Variants in MMP26 observed in about 807,000 individuals in gnomAD.
The protein encoded by MMP26 is matrix metallopeptidase 26.
Under a neutral mutation model 31.0 loss-of-function variants are expected in MMP26, and 33 were observed. The ratio of observed to expected loss-of-function variants is 1.06; its 90% CI spans 0.81 to 1.42. The LOEUF is 1.42. Ranked by LOEUF, MMP26 falls within the 40% of genes most tolerant of loss-of-function variation. The pLI is 0.00. For missense variants in MMP26, 347 were observed against 316.1 expected, an observed-to-expected ratio of 1.10 and a Z score of -0.74; for synonymous variants, 122 against 114.9, an observed-to-expected ratio of 1.06 and a Z score of -0.40.
At chr11:4,846,868 A>G (rs1849876780) in intron 2 of MMP26, among the ~76,000 whole-genome samples, 3 of 152,224 alleles carry the variant, frequency 2.0e-5, no homozygotes, top group Admixed American at 2.0e-4. Flanking sequence ...TATACCAACT[A>G]CAAAATATCA....
rs1269708446 is a variant in MMP26, at chr11:4,946,278, C to T, written c.-144-41790C>T. ...AGTAGGAGAACATTTGCCATGAGAA[C>T]ATTAATGAGGGGAGAGACATGCCGG... On this transcript the variant is annotated intron_variant, in intron 2 of 7. Coordinates refer to ENST00000380390, the MANE Select transcript of MMP26 (RefSeq NM_021801.5). The T allele has an allele frequency of 5.6e-6, 9 of 1,613,830 alleles. No individual in the cohort carries two copies. The highest frequency in any genetic ancestry group is 1.7e-5 in the Admixed American group (1 of 59,996).
At chr11:4,840,260 G>C (rs1159227287) in intron 2 of MMP26, among the ~76,000 whole-genome samples, 1 of 152,214 alleles carries the variant, frequency 6.6e-6, no homozygotes, top group African/African-American at 2.4e-5. Context: ...TCACCTTCCT[G>C]AAGGAAAGGA....
intron 2 of MMP26, chr11:4,882,136 C>G: frequency 6.2e-7 from 1 of 1,613,910 alleles, no homozygotes; most frequent in East Asian, 2.2e-5. Flanking sequence ...CCATTACGAC[C>G]CTTCCCACTG....
chr11:4,911,093 A>G (rs1316518629), intron 2 of MMP26, among the ~76,000 whole-genome samples: 1 of 152,170 alleles, frequency 6.6e-6, no homozygotes, highest in African/African-American at 2.4e-5. Context: ...AGTCACTGCA[A>G]ATTCTGATCT....
At chr11:4,882,152 G>C in intron 2 of MMP26, 1 of 1,613,864 alleles carries the variant, frequency 6.2e-7, no homozygotes, top group Non-Finnish European at 8.5e-7. Context: ...CACTGTGCTT[G>C]GTGTTCTCTG....
At chr11:4,987,521 C>G (rs1167046527) in intron 2 of MMP26, among the ~76,000 whole-genome samples, 1 of 151,974 alleles carries the variant, frequency 6.6e-6, no homozygotes, top group Non-Finnish European at 1.5e-5. Flanking sequence ...CGGGTTCACG[C>G]CATTCTCCTG....
At chr11:4,807,779 G>T (rs916941178) in intron 2 of MMP26, among the ~76,000 whole-genome samples, 2 of 152,012 alleles carry the variant, frequency 1.3e-5, no homozygotes, top group Non-Finnish European at 2.9e-5. Flanking sequence ...TTTAAAAAAT[G>T]ATAAAAAATT....
At chr11:4,990,454 T>A in intron 4 of MMP26, 144 bp from the exon 5 acceptor site, 2 of 667,360 alleles carry the variant, frequency 3.0e-6, no homozygotes, top group South Asian at 8.5e-5. Context: ...ATTTAATTAG[T>A]CTGAAATTAG....
chr11:4,743,975 GT>G (rs1159469583), intron 1 of MMP26, among the ~76,000 whole-genome samples: 1 of 150,046 alleles, frequency 6.7e-6, no homozygotes, highest in Non-Finnish European at 1.5e-5. Context: ...CACCTAATTT[GT>G]TTTTGTATTT....
chr11:4,832,265 T>C (rs1469994785), intron 2 of MMP26: 3 of 177,552 alleles, frequency 1.7e-5, no homozygotes, highest in South Asian at 3.1e-4. Context: ...CCTGGGCAAC[T>C]GCACCATCCT....
intron 1 of MMP26, among the ~76,000 whole-genome samples, chr11:4,732,036 T>C (rs1283085901): frequency 6.6e-6 from 1 of 152,170 alleles, no homozygotes; most frequent in Non-Finnish European, 1.5e-5. Context: ...GAGGCAAATA[T>C]CTCTTTGTGT....
intron 2 of MMP26, among the ~76,000 whole-genome samples, chr11:4,799,065 G>C (rs963992981): frequency 5.9e-5 from 9 of 152,144 alleles, no homozygotes; most frequent in African/African-American, 1.9e-4. Flanking sequence ...GCACCGTGAG[G>C]TCTCTGCCCG....
intron 2 of MMP26, among the ~76,000 whole-genome samples, chr11:4,816,804 C>T (rs891108631): frequency 1.4e-5 from 2 of 146,658 alleles, no homozygotes; most frequent in East Asian, 2.1e-4. Context: ...CATGGGTTCA[C>T]GCCGTTCTCC....
chr11:4,759,484 ATTAC>A (rs757377630), intron 1 of MMP26, among the ~76,000 whole-genome samples: 2 of 152,102 alleles, frequency 1.3e-5, no homozygotes, highest in African/African-American at 4.8e-5. Flanking sequence ...TCTTTTGTTA[ATTAC>A]TTCTTTGAAT....
chr11:4,917,132 C>A (rs77145981), intron 2 of MMP26, among the ~76,000 whole-genome samples: 9 of 142,872 alleles, frequency 6.3e-5, no homozygotes, highest in Non-Finnish European at 9.1e-5. Context: ...TGCCCCAGTA[C>A]GCAGCAGATG....
intron 2 of MMP26, among the ~76,000 whole-genome samples, chr11:4,789,414 C>T (rs1043867736): frequency 1.3e-5 from 2 of 150,450 alleles, no homozygotes; most frequent in Non-Finnish European, 1.5e-5. Flanking sequence ...ATGCTGGTAG[C>T]AGGTTCCTGA....
intron 2 of MMP26, among the ~76,000 whole-genome samples, chr11:4,888,536 T>TA (rs1850574201): frequency 6.6e-6 from 1 of 152,122 alleles, no homozygotes; most frequent in African/African-American, 2.4e-5. Context: ...ATCAGTGCTT[T>TA]AAAAAATGCT....
At chr11:4,955,915 T>G (rs1846436831) in intron 2 of MMP26, among the ~76,000 whole-genome samples, 1 of 152,236 alleles carries the variant, frequency 6.6e-6, no homozygotes, top group South Asian at 2.1e-4. Context: ...GGTAATACTT[T>G]AGAGTAGAAT....
At chr11:4,861,125 A>G (rs1335794537) in intron 2 of MMP26, among the ~76,000 whole-genome samples, 1 of 149,292 alleles carries the variant, frequency 6.7e-6, no homozygotes, top group African/African-American at 2.5e-5. Flanking sequence ...GTATATACAT[A>G]TACATATAGA....
Sources: allele counts gnomAD v4.1 joint callset (sites outside exome capture counted in the v4.1 genomes callset), GRCh38; gene constraint gnomAD v4.1.1; transcripts MANE v1.5; gene names NCBI Gene and HGNC (gene_info 2026-07-23, HGNC 2026-07-21).